GRM7: variants seen among roughly 807,000 people sequenced by gnomAD.
GRM7 encodes glutamate metabotropic receptor 7.
Under a neutral mutation model 84.5 loss-of-function variants are expected in GRM7, and 35 were observed. That is an observed-to-expected ratio of 0.41 (90% CI 0.32 to 0.55). The LOEUF (loss-of-function observed/expected upper bound fraction) is 0.55. Among genes scored for constraint, GRM7 ranks in the 20% least tolerant of loss-of-function variants. GRM7 has a pLI of 0.19. For synonymous variants in GRM7, 487 were observed against 455.1 expected, an observed-to-expected ratio of 1.07 and a Z score of -0.89; for missense variants, 1,003 against 1,194.6, an observed-to-expected ratio of 0.84 and a Z score of 2.36.
intron 1 of GRM7, among the ~76,000 whole-genome samples, chr3:6,868,033 C>T (rs1183569391): frequency 3.9e-5 from 6 of 152,050 alleles, no homozygotes; most frequent in African/African-American, 1.2e-4. Flanking sequence ...AATCTTTTTT[C>T]AATAAAAGTA....
At chr3:7,500,127 G>A (rs187707989) in intron 7 of GRM7, among the ~76,000 whole-genome samples, 406 of 152,196 alleles carry the variant, frequency 2.7e-3, no homozygotes, top group South Asian at 8.9e-3. Flanking sequence ...TTACTTATGA[G>A]CTATTTTTCC....
intron 1 of GRM7, among the ~76,000 whole-genome samples, chr3:6,969,940 A>G (rs1693676836): frequency 6.6e-6 from 1 of 152,210 alleles, no homozygotes; most frequent in African/African-American, 2.4e-5. Context: ...CAGAGTGTGT[A>G]AAGCAGAAAT....
intron 4 of GRM7, among the ~76,000 whole-genome samples, chr3:7,369,631 AT>A (rs1694051792): frequency 6.6e-6 from 1 of 152,016 alleles, no homozygotes; most frequent in Admixed American, 6.6e-5. Flanking sequence ...AGTTTTCATA[AT>A]TTTTTCTTGT....
At chr3:7,603,940 A>G (rs978752700) in intron 8 of GRM7, among the ~76,000 whole-genome samples, 24 of 152,232 alleles carry the variant, frequency 1.6e-4, no homozygotes, top group Non-Finnish European at 3.4e-4. Flanking sequence ...AATAGACACA[A>G]AAGTTGGCTT....
intron 4 of GRM7, among the ~76,000 whole-genome samples, chr3:7,372,395 G>C (rs1450045524): frequency 2.6e-5 from 4 of 152,156 alleles, no homozygotes; most frequent in Admixed American, 2.6e-4. Flanking sequence ...GAAAACTCAG[G>C]TGTGAAGTCT....
chr3:7,032,036 T>C (rs893790740), intron 1 of GRM7, among the ~76,000 whole-genome samples: 2 of 152,232 alleles, frequency 1.3e-5, no homozygotes, highest in African/African-American at 4.8e-5. Flanking sequence ...ACGGAAGGAT[T>C]TGTAGATTAA....
intron 1 of GRM7, among the ~76,000 whole-genome samples, chr3:7,125,300 G>A (rs867287045): frequency 8.3e-4 from 126 of 152,282 alleles, no homozygotes; most frequent in African/African-American, 2.9e-3. Context: ...ACTGAGGCAG[G>A]AGGATCACCT....
chr3:7,286,790 T>A (rs2125004369), intron 2 of GRM7, among the ~76,000 whole-genome samples: 1 of 152,282 alleles, frequency 6.6e-6, no homozygotes, highest in Non-Finnish European at 1.5e-5. Flanking sequence ...AAAGGTATGA[T>A]TTTATTTATT....
In GRM7 at chr3:7,409,868, G is replaced by A. The variant is rs1037932838; in HGVS notation, c.1034-5155G>A. ...GCCCACCTCAGCCTCCCAAACTGCT[G>A]GGATTACAGGCGTGAGCCACTGTGC... On this transcript the variant is annotated intron_variant, in intron 4 of 9. Coordinates refer to ENST00000357716, the MANE Select transcript of GRM7 (RefSeq NM_000844.4). Among the ~76,000 whole-genome samples the A allele has an allele frequency of 6.6e-5, 10 of 152,172 alleles. No individual in the cohort carries two copies. In the East Asian group the frequency reaches 1.9e-3, roughly 29 times the overall value.
intron 4 of GRM7, among the ~76,000 whole-genome samples, chr3:7,407,952 C>T (rs532870304): frequency 6.6e-6 from 1 of 152,328 alleles, no homozygotes; most frequent in East Asian, 1.9e-4. Context: ...TACATTTACA[C>T]ACTTACATGC....
chr3:7,150,983 C>A (rs1339910517), intron 2 of GRM7, among the ~76,000 whole-genome samples: 1 of 152,140 alleles, frequency 6.6e-6, no homozygotes, highest in Non-Finnish European at 1.5e-5. Flanking sequence ...ACTGTTACTG[C>A]TATGCTACCA....
At chr3:7,498,454 T>C (rs942570234) in intron 7 of GRM7, among the ~76,000 whole-genome samples, 4 of 152,224 alleles carry the variant, frequency 2.6e-5, no homozygotes, top group African/African-American at 4.8e-5. Context: ...GCATGAACAT[T>C]GTTTCTTGTT....
rs1251821415 is a variant in GRM7 at position 7,294,411 on chromosome 3, C to T, written c.737-4273C>T. Among the ~76,000 whole-genome samples the T allele has an allele frequency of 2.0e-5, 3 of 152,096 alleles. No individual in the cohort carries two copies. In the East Asian group the frequency reaches 5.8e-4, roughly 29 times the overall value. ...TCCCTCTATCCTCCATAATGCTTTC[C>T]AGACTTGGAGGAATCATGGCATTGA... is the stretch of plus-strand genomic sequence containing the variant. On this transcript the variant is annotated intron_variant, in intron 2 of 9. Coordinates refer to ENST00000357716, the MANE Select transcript of GRM7 (RefSeq NM_000844.4).
rs1259893438 is a variant in GRM7 at position 7,535,487 on chromosome 3, A to C, written c.1516-42935A>C. On this transcript the variant is annotated intron_variant, in intron 7 of 9. Coordinates refer to ENST00000357716, the MANE Select transcript of GRM7 (RefSeq NM_000844.4). ...AAGGCTTAGAAATCATGGTAGGCCC[A>C]AGGGAAGCTCAGAACCATAGACACA... 2.0e-5 allele frequency among the ~76,000 whole-genome samples: 3 copies of C among 152,334 alleles called. No individual in the cohort carries two copies. In the East Asian group the frequency reaches 5.8e-4, roughly 29 times the overall value.
At chr3:7,289,577 TATTCAC>T (rs1559555796) in intron 2 of GRM7, among the ~76,000 whole-genome samples, 1 of 152,188 alleles carries the variant, frequency 6.6e-6, no homozygotes, top group African/African-American at 2.4e-5. Context: ...ATTGCGGCAC[TATTCAC>T]AACAACAAAG....
At chr3:7,192,588 T>C (rs1438554419) in intron 2 of GRM7, among the ~76,000 whole-genome samples, 1 of 152,092 alleles carries the variant, frequency 6.6e-6, no homozygotes, top group Non-Finnish European at 1.5e-5. Context: ...GAAGAAGTTG[T>C]GCCTAAGTGG....
At chr3:7,301,978 T>C (rs997295642) in intron 3 of GRM7, among the ~76,000 whole-genome samples, 5 of 152,178 alleles carry the variant, frequency 3.3e-5, no homozygotes, top group African/African-American at 1.2e-4. Context: ...CAGTCATGGG[T>C]ATAGATGATT....
At chr3:7,641,447 G>A (rs1292462836) in intron 8 of GRM7, among the ~76,000 whole-genome samples, 2 of 152,132 alleles carry the variant, frequency 1.3e-5, no homozygotes, top group South Asian at 2.1e-4. Flanking sequence ...ACTTGTGGCT[G>A]AATATTATCT....
At chr3:7,508,814 T>G (rs1180588185) in intron 7 of GRM7, among the ~76,000 whole-genome samples, 1 of 152,184 alleles carries the variant, frequency 6.6e-6, no homozygotes, top group Non-Finnish European at 1.5e-5. Context: ...TACCATGCAT[T>G]TCTTGAGTTC....
Sources: gnomAD v4.1 joint callset for allele counts (sites outside exome capture counted in the v4.1 genomes callset) on GRCh38, gnomAD v4.1.1 for gene constraint, MANE v1.5 for transcripts, NCBI Gene and HGNC (gene_info 2026-07-23, HGNC 2026-07-21) for gene names.